Variants in IGF2 observed in about 807,000 individuals in gnomAD.
IGF2 encodes insulin-like growth factor 2.
A neutral mutation model predicts 12.0 loss-of-function variants in IGF2; 2 were observed. The ratio of observed to expected loss-of-function variants is 0.17; its 90% CI spans 0.07 to 0.52. The LOEUF (loss-of-function observed/expected upper bound fraction) is 0.52. Among genes scored for constraint, IGF2 ranks in the 20% least tolerant of loss-of-function variants. The pLI, the probability that IGF2 is intolerant of heterozygous loss-of-function variation, is 0.95. For missense variants in IGF2, 211 were observed against 268.0 expected, an observed-to-expected ratio of 0.79 and a Z score of 1.48; for synonymous variants, 105 against 110.1, an observed-to-expected ratio of 0.95 and a Z score of 0.29.
the IGF2 span, chr11:2,146,840 C>A: frequency 5.2e-6 from 1 of 191,780 alleles, no homozygotes; most frequent in Non-Finnish European, 1.1e-5. Context: ...CAGTGCCTGA[C>A]CAGTGAATGG....
chr11:2,141,133 CG>C (rs1397407251), upstream of IGF2: 2 of 186,018 alleles, frequency 1.1e-5, no homozygotes, highest in African/African-American at 2.4e-5. Context: ...GTTTGGGCAA[CG>C]CTAGAGAGAA....
rs1858794659 is a variant in IGF2, at chr11:2,133,772, A to T, written c.158-107T>A. 3 of 1,376,168 alleles carry T rather than the reference A, an allele frequency of 2.2e-6. No homozygotes were observed. Among genetic ancestry groups the T allele is most frequent in the Non-Finnish European group, 3.0e-6 (3 of 1,005,404 alleles). The allele number at this position is 1,376,168 out of a possible 1,614,324, so 85.2% of individuals were successfully genotyped here. A position where few individuals can be genotyped will look rare whatever the true frequency, so the allele number is the denominator to read the frequency against. ...CCCCTGCCCTCAGGCCAGGCCCTGG[A>T]AGGACGCAGCCACCCTGCGGGTCAG... On this transcript the variant is annotated intron_variant, in intron 2 of 3. Coordinates refer to ENST00000416167, the MANE Select transcript of IGF2 (RefSeq NM_000612.6). The surrounding 1 kb of genome is among the most constrained non-coding windows in gnomAD (Gnocchi z 8.9).
upstream of IGF2, chr11:2,140,754 C>T (rs72556539): frequency 4.8e-5 from 16 of 331,358 alleles, no homozygotes; most frequent in African/African-American, 1.8e-4. Flanking sequence ...TCCCCGGCGG[C>T]AGCCGGAGAC....
chr11:2,146,796 C>T, the IGF2 span: 17 of 208,190 alleles, frequency 8.2e-5, no homozygotes, highest in African/African-American at 1.4e-4. Context: ...CCAGCTCCAA[C>T]GCTCCCCAAG....
In IGF2 at chr11:2,131,434, G is replaced by A; in HGVS notation, c.*1553C>T. On this transcript the variant is annotated 3_prime_UTR_variant, in exon 4 of 4. Transcript: ENST00000416167. Reference sequence around the variant, plus strand: ...CAATTTTGTGGGGGTGTGCGTGTGTGTGCGCATGTGTGTGTGCAGGTGGGT... The same window carrying A: ...CAATTTTGTGGGGGTGTGCGTGTGTATGCGCATGTGTGTGTGCAGGTGGGT... 1 of 232,054 alleles carries A rather than the reference G, an allele frequency of 4.3e-6. No homozygotes were observed. Among genetic ancestry groups the A allele is most frequent in the Non-Finnish European group, 8.5e-6 (1 of 118,122 alleles). 14.4% of individuals were successfully genotyped at this position (232,054 alleles called of 1,614,324 possible).
upstream of IGF2, chr11:2,140,924 G>A (rs1261577670): frequency 5.4e-6 from 2 of 371,320 alleles, no homozygotes; most frequent in Non-Finnish European, 1.0e-5. Flanking sequence ...AACGCTCTGT[G>A]GCAGGCGGTG....
Position 2,133,895 on chromosome 11 carries a change from C to T in IGF2, c.158-230G>A, listed in dbSNP as rs3213230. On this transcript the variant is annotated intron_variant, in intron 2 of 3. Coordinates refer to ENST00000416167, the MANE Select transcript of IGF2 (RefSeq NM_000612.6). This position sits in a 1 kb window ranked among gnomAD's most constrained non-coding sequence, Gnocchi z 8.9. ...CCAGACCAGCCCGTGGCCTCTGCTG[C>T]CTCCTTCCTCAGATGAAAAATGGGC... Among the ~76,000 whole-genome samples the T allele has an allele frequency of 7.2e-3, 1,094 of 152,352 alleles. 13 individuals are homozygous for T. Among genetic ancestry groups the T allele is most frequent in the African/African-American group, 0.025 (1,036 of 41,582 alleles).
chr11:2,136,408 A>G (rs1457403986), intron 1 of IGF2, among the ~76,000 whole-genome samples: 1 of 152,222 alleles, frequency 6.6e-6, no homozygotes, highest in Non-Finnish European at 1.5e-5. Context: ...GGGAAGTCCG[A>G]CACCAGGTTC....
chr11:2,134,104 G>A, intron 2 of IGF2: 1 of 501,532 alleles, frequency 2.0e-6, no homozygotes, highest in Non-Finnish European at 4.0e-6. Context: ...CACCACCCCT[G>A]GAGCTGCTGA....
chr11:2,138,095 CCCCCCCGGGCTCAGCCG>C (rs2133602875), intron 1 of IGF2, 117 bp downstream of exon 1: 1 of 375,880 alleles, frequency 2.7e-6, no homozygotes, highest in South Asian at 1.1e-4. Context: ...TCCTCCTCCT[CCCCCCCGGGCTCAGCCG>C]CCCCGCCGAG....
At chr11:2,135,588 G>A (rs1299808166) in intron 1 of IGF2, 59 bp from the exon 2 acceptor site, 4 of 1,518,132 alleles carry the variant, frequency 2.6e-6, no homozygotes, top group African/African-American at 2.8e-5. Flanking sequence ...CAGGCCAGAG[G>A]TGCCCCTCCC....
At position 2,131,559 on chromosome 11, in the gene IGF2, C is replaced by A; in HGVS notation, c.*1428G>T. 5.8e-6 allele frequency: 1 copy of A among 171,284 alleles called. No homozygotes were observed. Among genetic ancestry groups the A allele is most frequent in the East Asian group, 7.4e-5 (1 of 13,522 alleles). 10.6% of individuals were successfully genotyped at this position (171,284 alleles called of 1,614,324 possible). On this transcript the variant is annotated 3_prime_UTR_variant, in exon 4 of 4. Coordinates refer to ENST00000416167, the MANE Select transcript of IGF2 (RefSeq NM_000612.6). ...TGTGTGCTGTGTGTGCATGTGTGTG[C>A]TGTGTGTTTGTGTGTGTGCTGTGTT...
chr11:2,146,271 C>T, the IGF2 span: 23 of 534,460 alleles, frequency 4.3e-5, no homozygotes, highest in African/African-American at 1.3e-4. Context: ...ACCGCTCCGC[C>T]GTCCGTGGGA....
rs1310401705 is a variant in IGF2 at position 2,138,984 on chromosome 11, C to G, written c.-762G>C. 1 of 980,130 alleles carries G rather than the reference C, an allele frequency of 1.0e-6. No homozygotes were observed. Among genetic ancestry groups the G allele is most frequent in the Non-Finnish European group, 1.2e-6 (1 of 827,154 alleles). 60.7% of individuals were successfully genotyped at this position (980,130 alleles called of 1,614,324 possible). A position where few individuals can be genotyped will look rare whatever the true frequency, so the allele number is the denominator to read the frequency against. ...GGGAGGGGGACAGGCGGTGGCGGCA[C>G]CGGGGCCGCTCCGGGACGCAGCGCG... is the stretch of plus-strand genomic sequence containing the variant. On this transcript the variant is annotated 5_prime_UTR_variant, in exon 1 of 4. Coordinates refer to ENST00000416167, the MANE Select transcript of IGF2 (RefSeq NM_000612.6).
At chr11:2,137,379 A>G in intron 1 of IGF2, 1 of 281,692 alleles carries the variant, frequency 3.5e-6, no homozygotes, top group Non-Finnish European at 4.2e-6. Flanking sequence ...CCTGCTGACC[A>G]CTCCCCCGCG....
chr11:2,140,552 G>C, upstream of IGF2: 1 of 502,796 alleles, frequency 2.0e-6, no homozygotes, highest in Non-Finnish European at 3.5e-6. Context: ...CGCCCGGCGG[G>C]AGCGCCTCTC....
chr11:2,149,409 C>T, the IGF2 span: 59 of 1,370,158 alleles, frequency 4.3e-5, no homozygotes, highest in Non-Finnish European at 5.1e-5. Flanking sequence ...ATGGGAGAGC[C>T]TCATCTCCGC....
chr11:2,141,389 G>A (rs966299910), upstream of IGF2, among the ~76,000 whole-genome samples: 6 of 152,188 alleles, frequency 3.9e-5, no homozygotes, highest in African/African-American at 1.4e-4. Context: ...CTAAACTCGA[G>A]ACTCCAGAAA....
At chr11:2,143,950 GGC>G (rs1258685084), upstream of IGF2, among the ~76,000 whole-genome samples, 3 of 152,322 alleles carry the variant, frequency 2.0e-5, no homozygotes, top group South Asian at 2.1e-4. Context: ...CCTTGGCTGG[GGC>G]GCGCGCGGAG....
Sources: allele counts gnomAD v4.1 joint callset (sites outside exome capture counted in the v4.1 genomes callset), GRCh38; gene constraint gnomAD v4.1.1; non-coding constraint Gnocchi (gnomAD v3.1); transcripts MANE v1.5; gene names NCBI Gene and HGNC (gene_info 2026-07-23, HGNC 2026-07-21).